Variants in EPHA7 observed in about 807,000 individuals in gnomAD.
EPHA7 encodes the protein ephrin type-A receptor 7.
Under a neutral mutation model 112.6 loss-of-function variants are expected in EPHA7, and 25 were observed. That is an observed-to-expected ratio of 0.22 (90% CI 0.16 to 0.31). The LOEUF (loss-of-function observed/expected upper bound fraction) is 0.31. Among genes scored for constraint, EPHA7 ranks in the 10% least tolerant of loss-of-function variants. The probability of loss-of-function intolerance (pLI) is 1.00; values close to 1 mark genes in which losing one functional copy is unlikely to be tolerated. For missense variants in EPHA7, 962 were observed against 1,212.6 expected, an observed-to-expected ratio of 0.79 and a Z score of 3.07; for synonymous variants, 437 against 406.5, an observed-to-expected ratio of 1.07 and a Z score of -0.90.
At chr6:93,254,936 T>C (rs1232140952) in intron 13 of EPHA7, 140 bp from the exon 14 acceptor site, 4 of 567,240 alleles carry the variant, frequency 7.1e-6, no homozygotes, top group Admixed American at 3.2e-5. Flanking sequence ...TCTATGCGTA[T>C]TTAAAGTTAT....
In EPHA7 at chr6:93,400,698, T is replaced by C. The variant is rs181720192; in HGVS notation, c.832+9803A>G. ...GACTACAGACACACACCACTACACCTGAATAACTTTTCCAATTTTTGCAGA... is the reference window on the plus strand; with the variant it reads ...GACTACAGACACACACCACTACACCCGAATAACTTTTCCAATTTTTGCAGA... On this transcript the variant is annotated intron_variant, in intron 3 of 16. Transcript: ENST00000369303. Among the ~76,000 whole-genome samples, 754 of 151,972 alleles carry C rather than the reference T, an allele frequency of 5.0e-3. 6 individuals are homozygous for C. The highest frequency in any genetic ancestry group is 0.018 in the African/African-American group (733 of 41,498).
intron 3 of EPHA7, among the ~76,000 whole-genome samples, chr6:93,372,788 C>T (rs774220187): frequency 6.6e-6 from 1 of 152,016 alleles, no homozygotes; most frequent in Non-Finnish European, 1.5e-5. Context: ...GCTATAACAG[C>T]CTAAGTGCTA....
intron 5 of EPHA7, among the ~76,000 whole-genome samples, chr6:93,316,693 A>C (rs12203498): frequency 1.5e-3 from 235 of 152,286 alleles, no homozygotes; most frequent in Non-Finnish European, 2.5e-3. Flanking sequence ...ATGACTAAGT[A>C]AACTTAAAGC....
intron 2 of EPHA7, 77 bp downstream of exon 2, chr6:93,414,626 A>G (rs913692507): frequency 9.1e-7 from 1 of 1,104,532 alleles, no homozygotes; most frequent in African/African-American, 1.6e-5. Context: ...AAGAGTGTGA[A>G]TAATTACCCT....
rs777217348 is a variant in EPHA7, at chr6:93,279,427, C to T, written c.1325-7005G>A. Reference sequence around the variant, plus strand: ...CCTCTTTTTCTTACTAATTATGATCCAATGAAACTGCTGGCAAACTGGTAT... The same window carrying T: ...CCTCTTTTTCTTACTAATTATGATCTAATGAAACTGCTGGCAAACTGGTAT... On this transcript the variant is annotated intron_variant, in intron 5 of 16. Coordinates refer to ENST00000369303, the MANE Select transcript of EPHA7 (RefSeq NM_004440.4). 2.0e-5 allele frequency among the ~76,000 whole-genome samples: 3 copies of T among 151,970 alleles called. No homozygotes were observed. The South Asian group carries it at 6.2e-4, about 32-fold the overall frequency.
chr6:93,260,768 T>C (rs1770650137), intron 9 of EPHA7: 3 of 981,272 alleles, frequency 3.1e-6, no homozygotes, highest in Non-Finnish European at 3.6e-6. Flanking sequence ...AGATGCTCAT[T>C]TGTTACTAAA....
intron 3 of EPHA7, among the ~76,000 whole-genome samples, chr6:93,373,125 G>A (rs569597263): frequency 2.6e-5 from 4 of 151,900 alleles, no homozygotes; most frequent in South Asian, 2.1e-4. Context: ...AGATATATTT[G>A]TATTTTGACA....
chr6:93,373,540 T>C (rs1304049782), intron 3 of EPHA7, among the ~76,000 whole-genome samples: 2 of 152,118 alleles, frequency 1.3e-5, no homozygotes, highest in Non-Finnish European at 2.9e-5. Context: ...CATTGACTTC[T>C]ACTCATGATT....
At chr6:93,405,491 TGA>T (rs1562162146) in intron 3 of EPHA7, among the ~76,000 whole-genome samples, 2 of 151,758 alleles carry the variant, frequency 1.3e-5, no homozygotes, top group Non-Finnish European at 1.5e-5. Context: ...TTCATCACCA[TGA>T]GGTTTCTTTA....
chr6:93,274,998 T>C (rs1771403590), intron 5 of EPHA7, among the ~76,000 whole-genome samples: 1 of 151,962 alleles, frequency 6.6e-6, no homozygotes, highest in Non-Finnish European at 1.5e-5. Flanking sequence ...GGTCAATATA[T>C]TTGATTTACT....
intron 3 of EPHA7, among the ~76,000 whole-genome samples, chr6:93,386,869 T>C (rs972061276): frequency 2.0e-5 from 3 of 152,024 alleles, no homozygotes; most frequent in Non-Finnish European, 4.4e-5. Context: ...TAGCCACAGA[T>C]GGAAGGGCTG....
At chr6:93,313,751 C>A (rs1562090085) in intron 5 of EPHA7, among the ~76,000 whole-genome samples, 1 of 151,392 alleles carries the variant, frequency 6.6e-6, no homozygotes. Flanking sequence ...ATGGAACAAG[C>A]AATATAAAGA....
At chr6:93,358,471 A>G in intron 3 of EPHA7, 60 bp from the exon 4 acceptor site, 1 of 1,432,080 alleles carries the variant, frequency 7.0e-7, no homozygotes, top group Non-Finnish European at 9.4e-7. Flanking sequence ...TTTAAAAAAA[A>G]ATTGTATTAT....
At chr6:93,288,935 C>T (rs931269102) in intron 5 of EPHA7, among the ~76,000 whole-genome samples, 2 of 152,134 alleles carry the variant, frequency 1.3e-5, no homozygotes, top group African/African-American at 4.8e-5. Context: ...ACTGCAAGTA[C>T]CATAAAGTGA....
chr6:93,296,826 A>T (rs1386505945), intron 5 of EPHA7, among the ~76,000 whole-genome samples: 9 of 151,928 alleles, frequency 5.9e-5, no homozygotes, highest in African/African-American at 1.4e-4. Flanking sequence ...TACTTTTTAA[A>T]TGAGAAATTA....
At chr6:93,269,370 T>A in intron 7 of EPHA7, 107 bp downstream of exon 7, 1 of 811,042 alleles carries the variant, frequency 1.2e-6, no homozygotes, top group Admixed American at 3.2e-5. Flanking sequence ...TATTTATTTG[T>A]AAATGTAAAA....
chr6:93,243,977 C>T (rs1384041859), intron 16 of EPHA7, among the ~76,000 whole-genome samples: 4 of 151,892 alleles, frequency 2.6e-5, no homozygotes, highest in Non-Finnish European at 5.9e-5. Flanking sequence ...TCATCAATGA[C>T]CATGTAAGTT....
chr6:93,276,207 A>G lies in EPHA7; in HGVS notation c.1325-3785T>C, dbSNP rs143193437. The stretch of plus-strand genomic sequence containing the variant: ...TCCTGGATTCTTCCCAGTGGGCACT[A>G]TCTAGTCATACGAGCCCTTAAGAGC... On this transcript the variant is annotated intron_variant, in intron 5 of 16. Transcript: ENST00000369303. Among the ~76,000 whole-genome samples, 441 of 152,178 alleles carry G rather than the reference A, an allele frequency of 2.9e-3. 2 individuals carry two copies. The highest frequency in any genetic ancestry group is 1.0e-2 in the African/African-American group (414 of 41,544).
chr6:93,314,957 G>A (rs1773728320), intron 5 of EPHA7, among the ~76,000 whole-genome samples: 2 of 146,008 alleles, frequency 1.4e-5, no homozygotes, highest in African/African-American at 2.6e-5. Context: ...CCGCCTCCCG[G>A]GTTCACGCCA....
Sources: gnomAD v4.1 joint callset for allele counts (sites outside exome capture counted in the v4.1 genomes callset) on GRCh38, gnomAD v4.1.1 for gene constraint, MANE v1.5 for transcripts, NCBI Gene and HGNC (gene_info 2026-07-23, HGNC 2026-07-21) for gene names.